The following SCTR variants were observed in gnomAD, a reference collection of about 807,000 sequenced individuals.
SCTR encodes secretin receptor, also known as pancreatic secretin receptor.
Under a neutral mutation model 60.8 loss-of-function variants are expected in SCTR, and 56 were observed. The observed-to-expected ratio is 0.92, with a 90% confidence interval of 0.74 to 1.15. SCTR has a LOEUF of 1.15. SCTR is among the 50% of genes most tolerant of loss of function. SCTR has a pLI of 0.00. For synonymous variants in SCTR, 202 were observed against 217.0 expected (o/e 0.93, Z 0.61); for missense variants, 562 against 550.4 (o/e 1.02, Z -0.21).
intron 1 of SCTR, among the ~76,000 whole-genome samples, chr2:119,521,170 G>C (rs1451973847): frequency 1.3e-5 from 2 of 152,158 alleles, no homozygotes; most frequent in East Asian, 3.9e-4. Context: ...ACTCACTAAG[G>C]TTAACAAATT....
At chr2:119,496,951 G>C (rs1216539457) in intron 1 of SCTR, among the ~76,000 whole-genome samples, 2 of 152,162 alleles carry the variant, frequency 1.3e-5, no homozygotes, top group Non-Finnish European at 2.9e-5. Context: ...GCAAACTCTG[G>C]CCAGGGCAGT....
intron 3 of SCTR, among the ~76,000 whole-genome samples, chr2:119,475,089 G>A (rs1402112769): frequency 1.3e-5 from 2 of 152,194 alleles, no homozygotes; most frequent in East Asian, 1.9e-4. Context: ...AGCGGGCACC[G>A]AGGCATCACT....
At chr2:119,484,952 C>T (rs1175265671) in intron 2 of SCTR, among the ~76,000 whole-genome samples, 1 of 152,130 alleles carries the variant, frequency 6.6e-6, no homozygotes, top group Non-Finnish European at 1.5e-5. Flanking sequence ...TGGGATGGCC[C>T]AGAGGAGAAA....
chr2:119,494,256 G>A (rs771748061), intron 2 of SCTR, among the ~76,000 whole-genome samples, 172 bp downstream of exon 2: 11 of 152,276 alleles, frequency 7.2e-5, no homozygotes, highest in South Asian at 4.1e-4. Flanking sequence ...GGGTCCATGC[G>A]ATCTGCTCAC....
intron 8 of SCTR, among the ~76,000 whole-genome samples, 172 bp from the exon 9 acceptor site, chr2:119,452,251 G>C (rs1683202068): frequency 6.6e-6 from 1 of 152,186 alleles, no homozygotes; most frequent in African/African-American, 2.4e-5. Flanking sequence ...TGCCACCCAG[G>C]AGCACTGCTG....
chr2:119,514,078 G>A (rs185863147), intron 1 of SCTR, among the ~76,000 whole-genome samples: 1 of 152,228 alleles, frequency 6.6e-6, no homozygotes, highest in African/African-American at 2.4e-5. Context: ...TGGTCCCACT[G>A]TGGTGTATAA....
chr2:119,440,322 C>T, intron 12 of SCTR, 65 bp from the exon 13 acceptor site: 2 of 1,553,038 alleles, frequency 1.3e-6, no homozygotes, highest in Non-Finnish European at 1.7e-6. Context: ...GCCCTGCTCA[C>T]TCCCCCAGTG....
chr2:119,470,751 A>C (rs933543546), intron 4 of SCTR, among the ~76,000 whole-genome samples: 1 of 152,090 alleles, frequency 6.6e-6, no homozygotes, highest in African/African-American at 2.4e-5. Context: ...CCCAGGCTGG[A>C]GCGCAGTGGC....
chr2:119,482,666 A>G (rs1340881211), intron 2 of SCTR, among the ~76,000 whole-genome samples: 1 of 152,184 alleles, frequency 6.6e-6, no homozygotes, highest in Non-Finnish European at 1.5e-5. Context: ...GCCCGTCTAC[A>G]TTCCAGCTGT....
In SCTR at chr2:119,494,377, C is replaced by A. The variant is rs368443537; in HGVS notation, c.193+51G>T. 10 of 1,592,532 alleles carry A rather than the reference C, an allele frequency of 6.3e-6. No homozygotes were observed. The Admixed American group carries it at 8.5e-5, about 13-fold the overall frequency. On this transcript the variant is annotated intron_variant, in intron 2 of 12. Transcript: ENST00000019103. ...ATAAGCTCCCCCTGCCCAGCAGGAC[C>A]GGACATGCTCCACCCCCAAGAGAGG...
At chr2:119,519,747 A>C (rs963015111) in intron 1 of SCTR, among the ~76,000 whole-genome samples, 6 of 137,248 alleles carry the variant, frequency 4.4e-5, no homozygotes, top group African/African-American at 1.6e-4. Flanking sequence ...CGGAGGTTGC[A>C]GTGAGCCAAG....
In SCTR at chr2:119,478,921, G is replaced by A. The variant is rs920830134; in HGVS notation, c.194-3C>T. 18 of 1,613,896 alleles carry A rather than the reference G, an allele frequency of 1.1e-5. No homozygotes were observed. The highest frequency in any genetic ancestry group is 1.4e-5 in the Non-Finnish European group (16 of 1,179,964). On this transcript the variant is annotated splice_polypyrimidine_tract_variant and splice_region_variant and intron_variant, in intron 2 of 12. Coordinates refer to ENST00000019103, the MANE Select transcript of SCTR (RefSeq NM_002980.3). ...GTTGTCCCACATCCCCTCACAACCT[G>A]CCAAGAAAAGCAGCATCAGACAAGG...
At chr2:119,498,464 G>A (rs1446581846) in intron 1 of SCTR, among the ~76,000 whole-genome samples, 1 of 152,122 alleles carries the variant, frequency 6.6e-6, no homozygotes, top group Non-Finnish European at 1.5e-5. Flanking sequence ...GGGTAAATGC[G>A]ATAGGTTTTC....
intron 3 of SCTR, among the ~76,000 whole-genome samples, chr2:119,475,793 A>G (rs1327060778): frequency 6.6e-6 from 1 of 151,180 alleles, no homozygotes; most frequent in African/African-American, 2.4e-5. Flanking sequence ...CTTTCATCTG[A>G]TTTTCAGAAG....
chr2:119,461,732 AGATTAC>A, intron 7 of SCTR, 109 bp downstream of exon 7: 14 of 668,206 alleles, frequency 2.1e-5, no homozygotes, highest in Admixed American at 1.0e-4. Flanking sequence ...AAAAAAAAAA[AGATTAC>A]ACAAGTTAGT....
At position 119,440,249 on chromosome 2, in the gene SCTR, C is replaced by T. The variant is rs769423296; in HGVS notation, c.1191G>A (p.Leu397=). ...LYCFLNGEVQ[L]EVQKKWQQWH... Reference sequence around the variant, plus strand: ...ATTGCTGCCACTTCTTCTGAACCTCCAGCTGCACCTGCCCGGGAGACCAGC... The same window carrying T: ...ATTGCTGCCACTTCTTCTGAACCTCTAGCTGCACCTGCCCGGGAGACCAGC... The change falls in exon 13 of 13, where the codon CTG becomes CTA. Residue 397 remains leucine, a synonymous_variant. Coordinates refer to ENST00000019103, the MANE Select transcript of SCTR (RefSeq NM_002980.3). The T allele has an allele frequency of 6.2e-7, 1 of 1,613,386 alleles. No individual in the cohort carries two copies. The highest frequency in any genetic ancestry group is 8.5e-7 in the Non-Finnish European group (1 of 1,179,638).
Position 119,470,509 on chromosome 2 carries a change from G to C in SCTR, c.405+2944C>G, listed in dbSNP as rs568972677. 2.6e-5 allele frequency among the ~76,000 whole-genome samples: 4 copies of C among 152,180 alleles called. No individual in the cohort carries two copies. The South Asian group carries it at 8.3e-4, about 32-fold the overall frequency. On this transcript the variant is annotated intron_variant, in intron 4 of 12. Coordinates refer to ENST00000019103, the MANE Select transcript of SCTR (RefSeq NM_002980.3). ...TTTAATGCAAGCTGAAGCCAAGCTA[G>C]GTCTCCTTTCCACCATTTTTGGACA...
At chr2:119,471,351 C>A (rs1226849518) in intron 4 of SCTR, among the ~76,000 whole-genome samples, 2 of 152,200 alleles carry the variant, frequency 1.3e-5, no homozygotes, top group Non-Finnish European at 2.9e-5. Flanking sequence ...CTGCAGAAGG[C>A]AGAGCCCACT....
chr2:119,445,471 G>A (rs1341709904), intron 11 of SCTR, among the ~76,000 whole-genome samples: 4 of 152,170 alleles, frequency 2.6e-5, no homozygotes, highest in Non-Finnish European at 4.4e-5. Context: ...GGCAAGACCT[G>A]ACTCCACTCA....
Sources: gnomAD v4.1 joint callset for allele counts (sites outside exome capture counted in the v4.1 genomes callset) on GRCh38, gnomAD v4.1.1 for gene constraint, MANE v1.5 for transcripts, NCBI Gene and HGNC (gene_info 2026-07-23, HGNC 2026-07-21) for gene names.